Variants in ARHGAP31 observed in about 807,000 individuals in gnomAD.
ARHGAP31 encodes rho GTPase-activating protein 31.
ARHGAP31 carries 34 observed loss-of-function variants against 113.9 expected under a neutral mutation model. That is an observed-to-expected ratio of 0.30 (90% CI 0.23 to 0.40). The LOEUF is 0.40. Ranked by LOEUF, ARHGAP31 falls within the 10% of genes least tolerant of loss-of-function variation. ARHGAP31 has a pLI of 1.00. For missense variants in ARHGAP31, 1,548 were observed against 1,767.1 expected (o/e 0.88, Z 2.22); for synonymous variants, 650 against 684.8 (o/e 0.95, Z 0.79).
chr3:119,393,595 A>G lies in ARHGAP31; in HGVS notation c.1006+4A>G. On this transcript the variant is annotated splice_donor_region_variant and intron_variant, in intron 8 of 11. Transcript: ENST00000264245. ...GTGAGAGGACAGAGGCTCTCGGGTA[A>G]GAATCAACAGCAATTGTTTTATGAT... 1 of 1,614,122 alleles carries G rather than the reference A, an allele frequency of 6.2e-7. No homozygotes were observed. Among genetic ancestry groups the G allele is most frequent in the Non-Finnish European group, 8.5e-7 (1 of 1,179,976 alleles).
intron 3 of ARHGAP31, among the ~76,000 whole-genome samples, chr3:119,380,195 C>G (rs1226324516): frequency 6.6e-6 from 1 of 152,126 alleles, no homozygotes; most frequent in Non-Finnish European, 1.5e-5. Flanking sequence ...TTATCCCTGC[C>G]AAGGAAAGCA....
At chr3:119,393,356 T>C in intron 7 of ARHGAP31, 111 bp from the exon 8 acceptor site, 1 of 1,384,128 alleles carries the variant, frequency 7.2e-7, no homozygotes, top group South Asian at 1.2e-5. Flanking sequence ...TTTCTTGAAA[T>C]ATCAGAGCCA....
intron 10 of ARHGAP31, among the ~76,000 whole-genome samples, chr3:119,407,286 G>A (rs1473189636): frequency 6.7e-6 from 1 of 148,418 alleles, no homozygotes; most frequent in African/African-American, 2.5e-5. Flanking sequence ...GGCAGAGATT[G>A]CAGCAAGCTG....
At position 119,399,179 on chromosome 3, in the gene ARHGAP31, AT is replaced by A. The variant is rs377202519; in HGVS notation, c.1007-14del. ...CTGTTAATATGCATTCATCAAGGAT[AT>A]TTTTTCTTTTGTCTTTAGTGGAAAA... On this transcript the variant is annotated intron_variant, in intron 8 of 11. Coordinates refer to ENST00000264245, the MANE Select transcript of ARHGAP31 (RefSeq NM_020754.4). 6.2e-7 allele frequency: 1 copy of A among 1,609,532 alleles called. No individual in the cohort carries two copies. The highest frequency in any genetic ancestry group is 8.5e-7 in the Non-Finnish European group (1 of 1,175,978).
At chr3:119,305,326 T>C (rs2079622234) in intron 1 of ARHGAP31, among the ~76,000 whole-genome samples, 1 of 152,142 alleles carries the variant, frequency 6.6e-6, no homozygotes, top group Admixed American at 6.5e-5. Context: ...TGAGTTCCCA[T>C]CCCCAGTTTT....
intron 1 of ARHGAP31, among the ~76,000 whole-genome samples, chr3:119,343,053 C>T (rs1487985465): frequency 6.6e-6 from 1 of 152,012 alleles, no homozygotes; most frequent in Non-Finnish European, 1.5e-5. Flanking sequence ...TTTTCAAAAT[C>T]AAAAATATAT....
At chr3:119,339,475 G>T (rs902450145) in intron 1 of ARHGAP31, among the ~76,000 whole-genome samples, 2 of 151,988 alleles carry the variant, frequency 1.3e-5, no homozygotes, top group African/African-American at 4.8e-5. Context: ...AGATAAAGTG[G>T]GAAGAATCAC....
chr3:119,405,979 C>T (rs181335405), intron 10 of ARHGAP31, among the ~76,000 whole-genome samples: 1 of 152,264 alleles, frequency 6.6e-6, no homozygotes, highest in East Asian at 1.9e-4. Context: ...TGCTAAGTGA[C>T]ATGGTATGGG....
chr3:119,398,932 G>C (rs1401856621), intron 8 of ARHGAP31, among the ~76,000 whole-genome samples: 1 of 152,164 alleles, frequency 6.6e-6, no homozygotes, highest in Non-Finnish European at 1.5e-5. Flanking sequence ...CATTTGCTAT[G>C]AGCTATTTGA....
In ARHGAP31 at chr3:119,420,038, G is replaced by T. The variant is rs917121039; in HGVS notation, c.*3774G>T. ...TAAACTGTTCAATTCAAGATAAATT[G>T]TTCTTGTCAGTGTTTGGCATATGAT... On this transcript the variant is annotated 3_prime_UTR_variant, in exon 12 of 12. Coordinates refer to ENST00000264245, the MANE Select transcript of ARHGAP31 (RefSeq NM_020754.4). 2 of 152,186 alleles carry T rather than the reference G, an allele frequency of 1.3e-5. No homozygotes were observed. Among genetic ancestry groups the T allele is most frequent in the African/African-American group, 4.8e-5 (2 of 41,436 alleles). The allele number at this position is 152,186 out of a possible 1,614,324, so 9.4% of individuals were successfully genotyped here.
chr3:119,335,665 G>T (rs2079938304), intron 1 of ARHGAP31, among the ~76,000 whole-genome samples: 1 of 152,228 alleles, frequency 6.6e-6, no homozygotes, highest in Non-Finnish European at 1.5e-5. Flanking sequence ...TCTGCACTCT[G>T]AGGAGGAGGG....
intron 11 of ARHGAP31, among the ~76,000 whole-genome samples, 173 bp from the exon 12 acceptor site, chr3:119,413,683 G>A (rs1409359976): frequency 2.0e-5 from 3 of 152,190 alleles, no homozygotes; most frequent in Non-Finnish European, 1.5e-5. Context: ...GCTAAAGTAT[G>A]TGATGGTGCA....
At chr3:119,365,250 A>G in intron 1 of ARHGAP31, 66 bp from the exon 2 acceptor site, 1 of 1,340,338 alleles carries the variant, frequency 7.5e-7, no homozygotes, top group South Asian at 1.2e-5. Context: ...TTTTAAAAGG[A>G]TATCTTTAAA....
rs771128455 is a variant in ARHGAP31, at chr3:119,414,242, A to C, written c.2313A>C (p.Val771=). The C allele has an allele frequency of 1.4e-5, 23 of 1,614,088 alleles. No individual in the cohort carries two copies. Among genetic ancestry groups the C allele is most frequent in the Admixed American group, 1.2e-4 (7 of 60,014 alleles). The part of the protein sequence containing the change: ...EKASPQATVE[V]GGPGNLSPPL... Reference sequence around the variant, plus strand: ...CATCTCCACAAGCAACAGTGGAAGTAGGAGGCCCAGGCAATCTGTCTCCTC... The same window carrying C: ...CATCTCCACAAGCAACAGTGGAAGTCGGAGGCCCAGGCAATCTGTCTCCTC... Residue 771 remains valine, a synonymous_variant, in exon 12 of 12, where the codon GTA becomes GTC. Coordinates refer to ENST00000264245, the MANE Select transcript of ARHGAP31 (RefSeq NM_020754.4).
intron 1 of ARHGAP31, among the ~76,000 whole-genome samples, chr3:119,346,492 T>C (rs16829720): frequency 0.31 from 47,089 of 152,070 alleles, 8,523 homozygotes; most frequent in African/African-American, 0.5. Context: ...GTTCCACCCA[T>C]GATTTAACTG....
intron 3 of ARHGAP31, among the ~76,000 whole-genome samples, chr3:119,374,777 T>C (rs1258161179): frequency 1.3e-5 from 2 of 152,210 alleles, no homozygotes; most frequent in Admixed American, 1.3e-4. Context: ...CTGTTAAGCC[T>C]GTGGAACTGT....
At chr3:119,399,712 A>C (rs2080583643) in intron 9 of ARHGAP31, among the ~76,000 whole-genome samples, 1 of 152,120 alleles carries the variant, frequency 6.6e-6, no homozygotes, top group African/African-American at 2.4e-5. Flanking sequence ...TCAAGTCATG[A>C]TTTTCAGTTG....
chr3:119,295,105 T>C (rs1187425110), intron 1 of ARHGAP31, 101 bp downstream of exon 1: 6 of 1,115,712 alleles, frequency 5.4e-6, no homozygotes, highest in African/African-American at 3.1e-5. Flanking sequence ...CAAGTTAATG[T>C]ATTCCAGGCC....
chr3:119,314,105 G>C (rs775422840), intron 1 of ARHGAP31, among the ~76,000 whole-genome samples: 2 of 152,114 alleles, frequency 1.3e-5, no homozygotes, highest in Non-Finnish European at 2.9e-5. Flanking sequence ...ATTATCCCTG[G>C]CCACACTCTA....
Sources: allele counts gnomAD v4.1 joint callset (sites outside exome capture counted in the v4.1 genomes callset), GRCh38; gene constraint gnomAD v4.1.1; transcripts MANE v1.5; gene names NCBI Gene and HGNC (gene_info 2026-07-23, HGNC 2026-07-21).